The following TOGARAM1 variants were observed in gnomAD, a reference collection of about 807,000 sequenced individuals.
The protein encoded by TOGARAM1 is TOG array regulator of axonemal microtubules protein 1.
A neutral mutation model predicts 166.6 loss-of-function variants in TOGARAM1; 100 were observed. The observed-to-expected ratio is 0.60, with a 90% CI of 0.51 to 0.71. TOGARAM1 has a LOEUF of 0.71. Among genes scored for constraint, TOGARAM1 ranks in the 30% least tolerant of loss-of-function variants. TOGARAM1 has a pLI of 0.00. For missense variants in TOGARAM1, 2,029 were observed against 2,102.7 expected, an observed-to-expected ratio of 0.96 and a Z score of 0.69; for synonymous variants, 758 against 763.8, an observed-to-expected ratio of 0.99 and a Z score of 0.13.
intron 16 of TOGARAM1, among the ~76,000 whole-genome samples, chr14:45,056,095 G>A (rs1882623835): frequency 6.6e-6 from 1 of 151,274 alleles, no homozygotes; most frequent in African/African-American, 2.4e-5. Flanking sequence ...TTACCTCCTT[G>A]GTTAAAAATA....
Position 44,962,426 on chromosome 14 carries a change from C to A in TOGARAM1, c.5C>A (p.Ala2Glu), listed in dbSNP as rs761983173. 6.4e-7 allele frequency: 1 copy of A among 1,557,348 alleles called. No homozygotes were observed. Among genetic ancestry groups the A allele is most frequent in the Non-Finnish European group, 8.7e-7 (1 of 1,154,034 alleles). The change falls in exon 1 of 20, where the codon GCG becomes GAG. Residue 2 changes from alanine (A) to glutamate (E), a missense_variant. Transcript: ENST00000361462. ...ACCACCACCTGACAACCCTGCATGG[C>A]GGCTGCCCCCTCCGCGCTGCTTCTG... M[A>E]AAPSALLLLP...
At chr14:44,969,110 TTTCCTTCCTTCCTTCC>T (rs369302120) in intron 1 of TOGARAM1, among the ~76,000 whole-genome samples, 130 of 139,208 alleles carry the variant, frequency 9.3e-4, no homozygotes, top group African/African-American at 3.3e-3. Context: ...TCTTTCTTTC[TTTCCTTCCTTCCTTCC>T]TTCCTTCCTT....
intron 18 of TOGARAM1, among the ~76,000 whole-genome samples, chr14:45,069,916 C>G (rs1354899919): frequency 2.0e-5 from 3 of 152,194 alleles, no homozygotes; most frequent in African/African-American, 7.2e-5. Context: ...GGCACAGTGG[C>G]TCACACCTGT....
intron 1 of TOGARAM1, among the ~76,000 whole-genome samples, chr14:44,970,972 A>G (rs931042764): frequency 6.6e-6 from 1 of 152,012 alleles, no homozygotes; most frequent in Admixed American, 6.6e-5. Context: ...ATGTTTGTTC[A>G]TAGGTGATAT....
chr14:45,022,066 T>C (rs1481808847), intron 7 of TOGARAM1, among the ~76,000 whole-genome samples: 4 of 151,986 alleles, frequency 2.6e-5, no homozygotes, highest in Non-Finnish European at 5.9e-5. Context: ...GTTTCGTTCA[T>C]TTTCTCGACC....
intron 3 of TOGARAM1, among the ~76,000 whole-genome samples, chr14:45,002,248 CT>C (rs1279259216): frequency 1.3e-5 from 2 of 152,092 alleles, no homozygotes; most frequent in African/African-American, 4.8e-5. Flanking sequence ...TCCTGAGTAT[CT>C]TTGGGACTCA....
intron 1 of TOGARAM1, among the ~76,000 whole-genome samples, chr14:44,985,752 T>C (rs552324351): frequency 9.9e-5 from 15 of 152,116 alleles, no homozygotes; most frequent in Non-Finnish European, 2.1e-4. Context: ...GGCCCAGGAG[T>C]TGGGAAACTC....
intron 7 of TOGARAM1, among the ~76,000 whole-genome samples, chr14:45,015,827 T>C (rs1880100147): frequency 6.6e-6 from 1 of 152,158 alleles, no homozygotes. Context: ...TATCCCTATG[T>C]AGTTTACTGC....
chr14:45,012,445 G>T (rs1441410176), intron 7 of TOGARAM1, among the ~76,000 whole-genome samples: 1 of 152,154 alleles, frequency 6.6e-6, no homozygotes, highest in East Asian at 1.9e-4. Context: ...CATCCCGAAA[G>T]ACAATTTTCT....
intron 1 of TOGARAM1, among the ~76,000 whole-genome samples, chr14:44,983,872 A>T (rs866593928): frequency 7.9e-5 from 12 of 152,344 alleles, no homozygotes; most frequent in South Asian, 6.2e-4. Context: ...ATCTACTCTT[A>T]GTGTAAATGT....
At chr14:45,037,208 T>C (rs1180694699) in intron 11 of TOGARAM1, among the ~76,000 whole-genome samples, 2 of 152,224 alleles carry the variant, frequency 1.3e-5, no homozygotes, top group Non-Finnish European at 2.9e-5. Flanking sequence ...ATATAGTTCC[T>C]CTCAACATGT....
intron 11 of TOGARAM1, 95 bp downstream of exon 11, chr14:45,032,471 T>A: frequency 8.1e-7 from 1 of 1,230,648 alleles, no homozygotes; most frequent in Non-Finnish European, 1.1e-6. Context: ...TCTATTAAAA[T>A]AATCTTAGAA....
At chr14:44,977,779 G>C (rs1886291583) in intron 1 of TOGARAM1, among the ~76,000 whole-genome samples, 1 of 152,080 alleles carries the variant, frequency 6.6e-6, no homozygotes. Flanking sequence ...CCAAGTAGCT[G>C]GGACTACAGG....
intron 15 of TOGARAM1, among the ~76,000 whole-genome samples, chr14:45,053,502 A>C (rs1463936753): frequency 6.6e-6 from 1 of 152,166 alleles, no homozygotes; most frequent in Non-Finnish European, 1.5e-5. Context: ...TTCTATTGTA[A>C]TTTATGTCAT....
chr14:44,999,030 T>C (rs1887565955), intron 2 of TOGARAM1, among the ~76,000 whole-genome samples: 1 of 152,200 alleles, frequency 6.6e-6, no homozygotes, highest in African/African-American at 2.4e-5. Flanking sequence ...GTAATGCGTA[T>C]ACTACAAATA....
intron 11 of TOGARAM1, among the ~76,000 whole-genome samples, chr14:45,042,994 T>G (rs1451176980): frequency 2.0e-5 from 3 of 152,196 alleles, no homozygotes; most frequent in Non-Finnish European, 4.4e-5. Flanking sequence ...TTCTGAAAAT[T>G]TAGCACCTAA....
chr14:45,053,174 G>T (rs1465645990), intron 15 of TOGARAM1, among the ~76,000 whole-genome samples: 3 of 151,840 alleles, frequency 2.0e-5, no homozygotes, highest in African/African-American at 7.3e-5. Context: ...GAGTAGCTGG[G>T]ATTACAGGTG....
At chr14:44,983,009 G>A (rs574297947) in intron 1 of TOGARAM1, among the ~76,000 whole-genome samples, 269 of 152,204 alleles carry the variant, frequency 1.8e-3, no homozygotes, top group Admixed American at 3.0e-3. Context: ...AACAGCACAG[G>A]GATATAACAG....
intron 14 of TOGARAM1, among the ~76,000 whole-genome samples, chr14:45,048,055 C>CAA (rs1258401220): frequency 3.0e-4 from 26 of 88,000 alleles, no homozygotes; most frequent in East Asian, 1.1e-3. Context: ...GACTCCATCT[C>CAA]AAAAAAAAAA....
Sources: gnomAD v4.1 joint callset for allele counts (sites outside exome capture counted in the v4.1 genomes callset) on GRCh38, gnomAD v4.1.1 for gene constraint, MANE v1.5 for transcripts, NCBI Gene and HGNC (gene_info 2026-07-23, HGNC 2026-07-21) for gene names.